Variants in CLOCK observed in about 807,000 individuals in gnomAD.
The protein encoded by CLOCK is clock circadian regulator.
In CLOCK, 43 loss-of-function variants were observed where a neutral mutation model predicts 118.4. That is an observed-to-expected ratio of 0.36 (90% CI 0.28 to 0.47). The LOEUF (loss-of-function observed/expected upper bound fraction) is 0.47. CLOCK is among the 20% of genes least tolerant of loss of function. CLOCK has a pLI of 1.00. For synonymous variants in CLOCK, 326 were observed against 339.2 expected (o/e 0.96, Z 0.43); for missense variants, 846 against 999.9 (o/e 0.85, Z 2.08).
chr4:55,446,137 A>C, intron 18 of CLOCK, among the ~76,000 whole-genome samples: 1 of 143,346 alleles, frequency 7.0e-6, no homozygotes, highest in Non-Finnish European at 1.5e-5. Flanking sequence ...AGAGTCACCC[A>C]AGCTGGAATG....
chr4:55,540,917 CATT>C (rs1420045808), intron 1 of CLOCK: 1 of 152,070 alleles, frequency 6.6e-6, no homozygotes, highest in Non-Finnish European at 1.5e-5. Context: ...TAATCGTCGT[CATT>C]ATTAATGTAA....
At chr4:55,443,489 GA>G (rs76130597) in intron 20 of CLOCK, among the ~76,000 whole-genome samples, 197 bp downstream of exon 20, 7 of 128,618 alleles carry the variant, frequency 5.4e-5, no homozygotes, top group Non-Finnish European at 8.5e-5. Context: ...AAAAAAAAAA[GA>G]AAAAAAAAAG....
At chr4:55,435,659 TCA>T (rs1722820545) in intron 22 of CLOCK, 65 bp from the exon 23 acceptor site, 1 of 1,511,852 alleles carries the variant, frequency 6.6e-7, no homozygotes, top group African/African-American at 1.4e-5. Flanking sequence ...TAATAGTTAC[TCA>T]CACTCTCCCC....
At chr4:55,457,513 C>G (rs1317845550) in intron 11 of CLOCK, among the ~76,000 whole-genome samples, 1 of 152,206 alleles carries the variant, frequency 6.6e-6, no homozygotes, top group Non-Finnish European at 1.5e-5. Flanking sequence ...CTTACCAATA[C>G]TCAAATATTA....
chr4:55,496,972 CTT>C (rs1157981513), intron 2 of CLOCK, among the ~76,000 whole-genome samples: 1 of 152,160 alleles, frequency 6.6e-6, no homozygotes, highest in Non-Finnish European at 1.5e-5. Context: ...ATGATATAAA[CTT>C]TATGTTATTA....
At chr4:55,497,810 T>C (rs1446631779) in intron 2 of CLOCK, among the ~76,000 whole-genome samples, 3 of 152,210 alleles carry the variant, frequency 2.0e-5, no homozygotes, top group Non-Finnish European at 4.4e-5. Flanking sequence ...TTTCCCCTTT[T>C]GGAAAACTAA....
chr4:55,526,691 G>A (rs1420234684), intron 1 of CLOCK, among the ~76,000 whole-genome samples: 1 of 152,078 alleles, frequency 6.6e-6, no homozygotes, highest in Non-Finnish European at 1.5e-5. Flanking sequence ...GCTCACGCCT[G>A]TAATCCCAGC....
chr4:55,483,137 C>T (rs987279208), intron 3 of CLOCK, among the ~76,000 whole-genome samples: 3 of 152,134 alleles, frequency 2.0e-5, no homozygotes, highest in Non-Finnish European at 4.4e-5. Flanking sequence ...TACAAATAGT[C>T]TGTAATAACA....
chr4:55,528,771 G>A (rs895008536), intron 1 of CLOCK, among the ~76,000 whole-genome samples: 5 of 152,170 alleles, frequency 3.3e-5, no homozygotes, highest in Non-Finnish European at 5.9e-5. Context: ...GGTACAAAAA[G>A]TGAAATACTC....
At chr4:55,450,488 C>G (rs1414235043) in intron 15 of CLOCK, among the ~76,000 whole-genome samples, 1 of 152,152 alleles carries the variant, frequency 6.6e-6, no homozygotes, top group Non-Finnish European at 1.5e-5. Flanking sequence ...TAACTCAAGA[C>G]CAGGTGTGGT....
chr4:55,459,618 A>G (rs368469362), intron 9 of CLOCK, among the ~76,000 whole-genome samples: 2 of 151,416 alleles, frequency 1.3e-5, no homozygotes, highest in East Asian at 1.9e-4. Flanking sequence ...GACCCGGGCC[A>G]CATCACTGTT....
chr4:55,458,311 CT>C (rs1725059010), intron 11 of CLOCK, among the ~76,000 whole-genome samples: 1 of 152,092 alleles, frequency 6.6e-6, no homozygotes, highest in Admixed American at 6.5e-5. Flanking sequence ...ATCCTCTCGC[CT>C]TGCTCTCCCA....
In CLOCK at chr4:55,479,665, C is replaced by G. The variant is rs771551835; in HGVS notation, c.82G>C (p.Glu28Gln). ...CTTTTCGCTTTGTCCTTGTCATCTT[C>G]TTCCACCAACCCATCAAAAATACTA... ...DSSIFDGLVE[E>Q]DDKDKAKRVS... Residue 28 changes from glutamate (E) to glutamine (Q), a missense_variant, in exon 5 of 23, where the codon GAA (glutamate) becomes CAA (glutamine). Physicochemically the swap from Glu to Gln is conservative, Grantham distance 29. This residue lies in a region of CLOCK where 246 missense variants were observed against 300.2 expected (regional missense o/e 0.82). Coordinates refer to ENST00000513440, the MANE Select transcript of CLOCK (RefSeq NM_004898.4). The G allele has an allele frequency of 1.9e-6, 3 of 1,612,684 alleles. No individual in the cohort carries two copies. The highest frequency in any genetic ancestry group is 2.5e-6 in the Non-Finnish European group (3 of 1,179,096).
chr4:55,432,050 T>C lies in CLOCK; in HGVS notation c.*3365A>G, dbSNP rs1698162095. 1 of 152,206 alleles carries C rather than the reference T, an allele frequency of 6.6e-6. No individual in the cohort carries two copies. Among genetic ancestry groups the C allele is most frequent in the South Asian group, 2.1e-4 (1 of 4,832 alleles). The allele number at this position is 152,206 out of a possible 1,614,324, so 9.4% of individuals were successfully genotyped here. On this transcript the variant is annotated 3_prime_UTR_variant, in exon 23 of 23. Coordinates refer to ENST00000513440, the MANE Select transcript of CLOCK (RefSeq NM_004898.4). ...ATGTTCTATAACAAACTATTCCAAA[T>C]CACTGGCATCTTGTTATTACTATTC...
chr4:55,510,636 A>T (rs1489450279), intron 1 of CLOCK, among the ~76,000 whole-genome samples: 2 of 149,466 alleles, frequency 1.3e-5, no homozygotes, highest in Non-Finnish European at 1.5e-5. Context: ...TTTTAAAAAA[A>T]AAAAAAAAAA....
intron 9 of CLOCK, among the ~76,000 whole-genome samples, chr4:55,462,734 T>C (rs1039315559): frequency 2.0e-5 from 3 of 152,222 alleles, no homozygotes; most frequent in Non-Finnish European, 4.4e-5. Context: ...GTCAATGTCA[T>C]ATGAACTTGG....
At chr4:55,487,719 C>A (rs1276585664) in intron 3 of CLOCK, among the ~76,000 whole-genome samples, 2 of 152,132 alleles carry the variant, frequency 1.3e-5, no homozygotes, top group African/African-American at 4.8e-5. Flanking sequence ...TGTTTTAGTT[C>A]CACCATCACT....
intron 2 of CLOCK, among the ~76,000 whole-genome samples, chr4:55,503,978 TAAAAAAAAAA>T (rs60471915): frequency 0.027 from 1,929 of 71,190 alleles, 67 homozygotes; most frequent in African/African-American, 0.094. Context: ...CAAAAAGAGG[TAAAAAAAAAA>T]AAAAAAAAAA....
rs1722303285 is a variant in CLOCK at position 55,427,962 on chromosome 4, CAAGTT to C, written c.*7448_*7452del. 6.6e-6 allele frequency: 1 copy of C among 152,272 alleles called. No individual in the cohort carries two copies. Among genetic ancestry groups the C allele is most frequent in the East Asian group, 1.9e-4 (1 of 5,182 alleles). The allele number at this position is 152,272 out of a possible 1,614,324, so 9.4% of individuals were successfully genotyped here. On this transcript the variant is annotated 3_prime_UTR_variant, in exon 23 of 23. Transcript: ENST00000513440. ...TTTAAAATCCAAAATGTGATTCTTA[CAAGTT>C]ATGTGCCACATGAAGCAGGTGTTAT...
Sources: gnomAD v4.1 joint callset for allele counts (sites outside exome capture counted in the v4.1 genomes callset) on GRCh38, gnomAD v4.1.1 for gene constraint, gnomAD v4.1.1 regional missense constraint, MANE v1.5 for transcripts, NCBI Gene and HGNC (gene_info 2026-07-23, HGNC 2026-07-21) for gene names.